ZCCHC7: variants seen among roughly 807,000 people sequenced by gnomAD.
ZCCHC7 encodes the protein zinc finger CCHC-type containing 7.
A neutral mutation model predicts 52.0 loss-of-function variants in ZCCHC7; 35 were observed. The observed-to-expected ratio is 0.67, with a 90% CI of 0.51 to 0.89. ZCCHC7 has a LOEUF of 0.89. Ranked by LOEUF, ZCCHC7 falls within the 40% of genes least tolerant of loss-of-function variation. ZCCHC7 has a pLI of 0.00. For missense variants in ZCCHC7, 574 were observed against 649.1 expected (o/e 0.88, Z 1.26); for synonymous variants, 217 against 221.5 (o/e 0.98, Z 0.18).
intron 1 of ZCCHC7, among the ~76,000 whole-genome samples, chr9:37,122,405 A>G (rs1355449857): frequency 1.3e-5 from 2 of 152,194 alleles, no homozygotes; most frequent in African/African-American, 4.8e-5. Flanking sequence ...GTTATATAGG[A>G]AACATCTTTT....
chr9:37,305,084 C>A (rs1447223023), intron 4 of ZCCHC7, among the ~76,000 whole-genome samples: 1 of 152,192 alleles, frequency 6.6e-6, no homozygotes, highest in African/African-American at 2.4e-5. Context: ...CGTTTCCTGA[C>A]CAGATAATTA....
intron 6 of ZCCHC7, among the ~76,000 whole-genome samples, chr9:37,348,678 C>T (rs1006722279): frequency 2.0e-5 from 3 of 152,070 alleles, no homozygotes; most frequent in African/African-American, 7.2e-5. Flanking sequence ...ACACCTGGCC[C>T]AAACTACAAC....
chr9:37,330,634 CT>C (rs1830416502), intron 6 of ZCCHC7, among the ~76,000 whole-genome samples: 1 of 151,590 alleles, frequency 6.6e-6, no homozygotes, highest in Non-Finnish European at 1.5e-5. Context: ...GTTTAGAATG[CT>C]TTTAAATGTT....
intron 6 of ZCCHC7, among the ~76,000 whole-genome samples, chr9:37,329,426 AATATATTCTATTTATAGGT>A (rs1437568378): frequency 6.6e-6 from 1 of 152,034 alleles, no homozygotes; most frequent in Non-Finnish European, 1.5e-5. Flanking sequence ...AAGGAATTAC[AATATATTCTATTTATAGGT>A]ATAACAAATT....
intron 6 of ZCCHC7, among the ~76,000 whole-genome samples, chr9:37,343,714 G>A (rs929735160): frequency 3.3e-4 from 51 of 152,266 alleles, no homozygotes; most frequent in African/African-American, 1.2e-3. Flanking sequence ...TCCACTCTCT[G>A]TTGAAGTCCT....
At chr9:37,348,347 G>GTTCATTCT (rs370166957) in intron 6 of ZCCHC7, among the ~76,000 whole-genome samples, 1 of 135,488 alleles carries the variant, frequency 7.4e-6, no homozygotes, top group Non-Finnish European at 1.5e-5. Context: ...ATACCAGTTC[G>GTTCATTCT]TTCTTTCTTT....
chr9:37,123,018 G>A (rs1388491981), intron 1 of ZCCHC7, among the ~76,000 whole-genome samples: 3 of 152,226 alleles, frequency 2.0e-5, no homozygotes, highest in Non-Finnish European at 2.9e-5. Flanking sequence ...ACTTCTAGCC[G>A]TGTTCTTAAC....
intron 7 of ZCCHC7, among the ~76,000 whole-genome samples, chr9:37,353,069 A>T (rs1821490444): frequency 6.6e-6 from 1 of 150,834 alleles, no homozygotes; most frequent in Admixed American, 6.6e-5. Context: ...TTCTGGAAAA[A>T]CTACTGAAAG....
chr9:37,299,965 C>T (rs1393731181), intron 2 of ZCCHC7, among the ~76,000 whole-genome samples: 1 of 152,116 alleles, frequency 6.6e-6, no homozygotes, highest in Non-Finnish European at 1.5e-5. Context: ...GTGAAACCCA[C>T]GTATATAGAG....
At position 37,276,877 on chromosome 9, in the gene ZCCHC7, C is replaced by G. The variant is rs188567156; in HGVS notation, c.611-25311C>G. Among the ~76,000 whole-genome samples, 23 of 152,272 alleles carry G rather than the reference C, an allele frequency of 1.5e-4. 1 individual carries two copies. The East Asian group carries it at 4.2e-3, about 28-fold the overall frequency. On this transcript the variant is annotated intron_variant, in intron 2 of 8. Coordinates refer to ENST00000336755, the MANE Select transcript of ZCCHC7 (RefSeq NM_032226.3). ...GAAGAGATAATAAAAAATAGTCTAA[C>G]CCTTCTACATGCATCATATTTTAAA...
At chr9:37,174,311 G>T (rs1166650600) in intron 2 of ZCCHC7, among the ~76,000 whole-genome samples, 3 of 151,998 alleles carry the variant, frequency 2.0e-5, no homozygotes, top group Non-Finnish European at 4.4e-5. Flanking sequence ...GCAAGGCCCT[G>T]TCTCAAAAAA....
intron 2 of ZCCHC7, among the ~76,000 whole-genome samples, chr9:37,175,756 C>T (rs1821989204): frequency 1.3e-5 from 2 of 152,064 alleles, no homozygotes; most frequent in South Asian, 4.1e-4. Flanking sequence ...AATTTTTTCT[C>T]CCATTTTATA....
chr9:37,187,586 GC>G (rs1822733042), intron 2 of ZCCHC7, among the ~76,000 whole-genome samples: 1 of 152,306 alleles, frequency 6.6e-6, no homozygotes, highest in Admixed American at 6.5e-5. Flanking sequence ...GTACTTTTAA[GC>G]TGTTTGATAT....
At chr9:37,337,404 C>T (rs1331319745) in intron 6 of ZCCHC7, among the ~76,000 whole-genome samples, 1 of 61,538 alleles carries the variant, frequency 1.6e-5, no homozygotes, top group Non-Finnish European at 3.0e-5. Context: ...CCCACCCACC[C>T]CCCCCCCCCC....
intron 2 of ZCCHC7, among the ~76,000 whole-genome samples, chr9:37,179,427 T>TG (rs1822232933): frequency 6.6e-6 from 1 of 152,168 alleles, no homozygotes; most frequent in Non-Finnish European, 1.5e-5. Context: ...ACTTGCCTGA[T>TG]TAGTTAAGTG....
chr9:37,148,317 G>A (rs1564141742), intron 2 of ZCCHC7, among the ~76,000 whole-genome samples: 2 of 152,078 alleles, frequency 1.3e-5, no homozygotes, highest in Admixed American at 6.6e-5. Context: ...TAATAGAAGA[G>A]GTAAGAGGTG....
intron 2 of ZCCHC7, among the ~76,000 whole-genome samples, chr9:37,299,124 A>G (rs1828918974): frequency 6.6e-6 from 1 of 152,210 alleles, no homozygotes; most frequent in Admixed American, 6.5e-5. Context: ...AAAAGCAGCT[A>G]TGGGTTGATG....
intron 2 of ZCCHC7, among the ~76,000 whole-genome samples, chr9:37,234,014 C>T (rs749425724): frequency 1.1e-4 from 17 of 152,004 alleles, no homozygotes; most frequent in East Asian, 5.8e-4. Flanking sequence ...CCACCACGCC[C>T]GGCTAATATT....
chr9:37,189,113 T>C (rs549320365), intron 2 of ZCCHC7, among the ~76,000 whole-genome samples: 34 of 148,848 alleles, frequency 2.3e-4, no homozygotes, highest in Admixed American at 4.0e-4. Flanking sequence ...TGCATTTGAT[T>C]TTTCTTTATA....
Sources: gnomAD v4.1 joint callset for allele counts (sites outside exome capture counted in the v4.1 genomes callset) on GRCh38, gnomAD v4.1.1 for gene constraint, MANE v1.5 for transcripts, NCBI Gene and HGNC (gene_info 2026-07-23, HGNC 2026-07-21) for gene names.